The following GET1 variants were observed in gnomAD, a reference collection of about 807,000 sequenced individuals.
GET1 encodes congenital heart disease 5 protein.
GET1 carries 20 observed loss-of-function variants against 22.6 expected under a neutral mutation model. The ratio of observed to expected loss-of-function variants is 0.89; its 90% CI spans 0.62 to 1.29. The LOEUF is 1.29. Ranked by LOEUF, GET1 falls within the 50% of genes most tolerant of loss-of-function variation. GET1 has a pLI of 0.00. For synonymous variants in GET1, 92 were observed against 83.8 expected, an observed-to-expected ratio of 1.10 and a Z score of -0.53; for missense variants, 209 against 219.9, an observed-to-expected ratio of 0.95 and a Z score of 0.31.
chr21:39,392,731 A>G (rs1213244240), intron 3 of GET1, among the ~76,000 whole-genome samples: 1 of 152,204 alleles, frequency 6.6e-6, no homozygotes, highest in Admixed American at 6.5e-5. Flanking sequence ...ATTTTTTCCA[A>G]GGATGGCTTT....
At chr21:39,418,225 G>A (rs2041640328) in intron 1 of GET1, among the ~76,000 whole-genome samples, 1 of 152,122 alleles carries the variant, frequency 6.6e-6, no homozygotes, top group South Asian at 2.1e-4. Context: ...ATGAGATTTG[G>A]GTGGGGACAC....
At chr21:39,410,191 G>T, downstream of GET1, 1 of 1,239,234 alleles carries the variant, frequency 8.1e-7, no homozygotes, top group Non-Finnish European at 1.2e-6. Context: ...TTTTCACATA[G>T]AACAAGTGAC....
In GET1 at chr21:39,380,393, A is replaced by G. The variant is rs895719674; in HGVS notation, c.9A>G (p.Ser3=). Residue 3 remains serine, a synonymous_variant, in exon 1 of 5, where the codon TCA becomes TCG. Transcript: ENST00000649170. Reference sequence around the variant, plus strand: ...AGCCAGGAGCGTCCGGGATGAGCTCAGCCGCGGCCGACCACTGGGCGTGGT... The same window carrying G: ...AGCCAGGAGCGTCCGGGATGAGCTCGGCCGCGGCCGACCACTGGGCGTGGT... MS[S]AAADHWAWLL... The G allele has an allele frequency of 1.2e-6, 2 of 1,607,058 alleles. No individual in the cohort carries two copies. Among genetic ancestry groups the G allele is most frequent in the Non-Finnish European group, 1.7e-6 (2 of 1,176,264 alleles).
intron 1 of GET1, among the ~76,000 whole-genome samples, chr21:39,416,410 T>C (rs1028585622): frequency 6.6e-6 from 1 of 152,220 alleles, no homozygotes; most frequent in Non-Finnish European, 1.5e-5. Context: ...GATACTACCC[T>C]AATGGTCCTT....
In GET1 at chr21:39,391,840, A is replaced by G. The variant is rs754075530; in HGVS notation, c.336+4A>G. Reference sequence around the variant, plus strand: ...TGTCGCTTTCTACGTATTGCAGGTAAGTGTGCTAGAGCGTCAGCCGGGTCA... The same window carrying G: ...TGTCGCTTTCTACGTATTGCAGGTAGGTGTGCTAGAGCGTCAGCCGGGTCA... On this transcript the variant is annotated splice_donor_region_variant and intron_variant, in intron 3 of 4. Coordinates refer to ENST00000649170, the MANE Select transcript of GET1 (RefSeq NM_004627.6). The G allele has an allele frequency of 1.9e-6, 3 of 1,614,110 alleles. No homozygotes were observed. The highest frequency in any genetic ancestry group is 1.3e-5 in the African/African-American group (1 of 75,042).
chr21:39,407,124 G>C (rs2039201106), downstream of GET1, among the ~76,000 whole-genome samples: 1 of 152,188 alleles, frequency 6.6e-6, no homozygotes, highest in African/African-American at 2.4e-5. Flanking sequence ...CTACTCAGGA[G>C]GCTAAGGTGG....
At chr21:39,400,226 A>T (rs1461463061), downstream of GET1, among the ~76,000 whole-genome samples, 1 of 152,088 alleles carries the variant, frequency 6.6e-6, no homozygotes, top group African/African-American at 2.4e-5. Flanking sequence ...CTTTAGACTT[A>T]AAGCTTTCTC....
Position 39,387,684 on chromosome 21 carries a change from C to T in GET1, c.103-3014C>T. 5.8e-6 allele frequency: 3 copies of T among 520,432 alleles called. 1 individual carries two copies. 32.2% of individuals were successfully genotyped at this position (520,432 alleles called of 1,614,324 possible). A position where few individuals can be genotyped will look rare whatever the true frequency, so the allele number is the denominator to read the frequency against. On this transcript the variant is annotated intron_variant, in intron 1 of 4. Coordinates refer to ENST00000649170, the MANE Select transcript of GET1 (RefSeq NM_004627.6). The stretch of plus-strand genomic sequence containing the variant: ...CTAGACCCCTCCACCCCCCCTACTC[C>T]CCACACTCCCCCCCCCCACTTTTGC...
At chr21:39,395,428 G>A (rs527690990) in intron 4 of GET1, among the ~76,000 whole-genome samples, 17 of 151,720 alleles carry the variant, frequency 1.1e-4, no homozygotes, top group African/African-American at 3.9e-4. Context: ...GCAGTGGTGT[G>A]ATCTCTGCTC....
chr21:39,423,489 GC>G, intron 1 of GET1: 1 of 1,541,966 alleles, frequency 6.5e-7, no homozygotes, highest in Non-Finnish European at 8.7e-7. Flanking sequence ...TTTCCTTCTG[GC>G]CTGTGTAAGC....
chr21:39,406,694 G>A (rs1206060179), downstream of GET1: 19 of 1,040,774 alleles, frequency 1.8e-5, no homozygotes, highest in South Asian at 6.4e-5. Flanking sequence ...GTACACTTAC[G>A]TGCACCGCCT....
At chr21:39,384,820 A>G (rs2037782179) in intron 1 of GET1, among the ~76,000 whole-genome samples, 1 of 152,110 alleles carries the variant, frequency 6.6e-6, no homozygotes, top group African/African-American at 2.4e-5. Flanking sequence ...GTGCTGCCTC[A>G]TACAACCTTA....
Position 39,390,832 on chromosome 21 carries a change from C to G in GET1, c.237C>G (p.Ile79Met), listed in dbSNP as rs547222557. The part of the protein sequence containing the change: ...FARYARLERK[I>M]NKMTDKLKTH... ...GATATGCCAGGCTGGAAAGAAAGAT[C>G]AACAAGATGACGGATAAGCTCAAAA... The change falls in exon 2 of 5, where the codon ATC (isoleucine) becomes ATG (methionine). Residue 79 changes from isoleucine to methionine, a missense_variant. Ile to Met is a conservative substitution (Grantham distance 10). Transcript: ENST00000649170. The G allele has an allele frequency of 1.9e-6, 3 of 1,614,120 alleles. No individual in the cohort carries two copies. The highest frequency in any genetic ancestry group is 4.5e-5 in the East Asian group (2 of 44,876).
intron 1 of GET1, among the ~76,000 whole-genome samples, chr21:39,384,536 A>G (rs2037763459): frequency 6.6e-6 from 1 of 150,386 alleles, no homozygotes; most frequent in Non-Finnish European, 1.5e-5. Context: ...CGGAGATTAC[A>G]GCTGTGAGCC....
intron 1 of GET1, among the ~76,000 whole-genome samples, chr21:39,388,615 C>G (rs1204366763): frequency 6.6e-6 from 1 of 152,132 alleles, no homozygotes; most frequent in African/African-American, 2.4e-5. Context: ...GTGTCTCATC[C>G]GCTGGTGTGG....
At chr21:39,414,778 G>GTGTGTGTC (rs1304972876) in intron 1 of GET1, among the ~76,000 whole-genome samples, 1 of 149,822 alleles carries the variant, frequency 6.7e-6, no homozygotes, top group Non-Finnish European at 1.5e-5. Context: ...GTGTGTGTGT[G>GTGTGTGTC]TCTGTGCATA....
intron 1 of GET1, chr21:39,422,914 A>T: frequency 6.7e-7 from 1 of 1,486,196 alleles, no homozygotes; most frequent in Non-Finnish European, 9.2e-7. Context: ...TCCATGATTA[A>T]TTCACACCCT....
intron 1 of GET1, among the ~76,000 whole-genome samples, chr21:39,390,051 T>G (rs1242843829): frequency 6.6e-6 from 1 of 151,636 alleles, no homozygotes; most frequent in African/African-American, 2.4e-5. Flanking sequence ...AGTTTTTTTT[T>G]TTTTTTTTTT....
At chr21:39,417,841 C>A (rs530353890) in intron 1 of GET1, among the ~76,000 whole-genome samples, 6 of 152,270 alleles carry the variant, frequency 3.9e-5, no homozygotes, top group Non-Finnish European at 8.8e-5. Flanking sequence ...TCTCCGCTCA[C>A]TGCAAGCTCC....
Sources: allele counts gnomAD v4.1 joint callset (sites outside exome capture counted in the v4.1 genomes callset), GRCh38; gene constraint gnomAD v4.1.1; transcripts MANE v1.5; gene names NCBI Gene and HGNC (gene_info 2026-07-23, HGNC 2026-07-21).